The following KCND2 variants were observed in gnomAD, a reference collection of about 807,000 sequenced individuals.
The protein encoded by KCND2 is potassium voltage-gated channel subfamily D member 2, also known as A-type voltage-gated potassium channel KCND2.
A neutral mutation model predicts 54.4 loss-of-function variants in KCND2; 16 were observed. That is an observed-to-expected ratio of 0.29 (90% CI 0.20 to 0.45). KCND2 has a LOEUF of 0.45. KCND2 is among the 20% of genes least tolerant of loss of function. The pLI, the probability that KCND2 is intolerant of heterozygous loss-of-function variation, is 1.00. For synonymous variants in KCND2, 317 were observed against 310.7 expected (o/e 1.02, Z -0.21); for missense variants, 486 against 824.2 (o/e 0.59, Z 5.02).
intron 1 of KCND2, among the ~76,000 whole-genome samples, chr7:120,295,854 C>G (rs1799506485): frequency 6.6e-6 from 1 of 151,810 alleles, no homozygotes; most frequent in African/African-American, 2.4e-5. Context: ...TGCAGTCAGT[C>G]TGACCCCAGA....
rs17142929 is a variant in KCND2 at position 120,714,738 on chromosome 7, T to C, written c.1116-18165T>C. Among the ~76,000 whole-genome samples the C allele has an allele frequency of 3.7e-3, 564 of 152,166 alleles. 7 individuals are homozygous for C. The highest frequency in any genetic ancestry group is 0.024 in the Admixed American group (362 of 15,240). On this transcript the variant is annotated intron_variant, in intron 1 of 5. Transcript: ENST00000331113. ...CTTTTCTTGTTTTCATTTTATAACA[T>C]GCAGCCATTCCTAATTAGAGAACAG...
At chr7:120,562,368 G>A (rs141124393) in intron 1 of KCND2, among the ~76,000 whole-genome samples, 2 of 152,302 alleles carry the variant, frequency 1.3e-5, no homozygotes, top group East Asian at 3.9e-4. Context: ...TGACTTTAAA[G>A]AGAATTCAAG....
Position 120,583,078 on chromosome 7 carries a change from C to A in KCND2, c.1116-149825C>A, listed in dbSNP as rs180837620. Among the ~76,000 whole-genome samples the A allele has an allele frequency of 5.8e-3, 878 of 152,106 alleles. 8 individuals are homozygous for A. Among genetic ancestry groups the A allele is most frequent in the Non-Finnish European group, 9.7e-3 (661 of 68,006 alleles). On this transcript the variant is annotated intron_variant, in intron 1 of 5. Coordinates refer to ENST00000331113, the MANE Select transcript of KCND2 (RefSeq NM_012281.3). Reference sequence around the variant, plus strand: ...CTTACAGTGTAACCAGTAGTTCTGGCAGAGTCTCTTACTCATAGTTAAGAT... The same window carrying A: ...CTTACAGTGTAACCAGTAGTTCTGGAAGAGTCTCTTACTCATAGTTAAGAT...
At chr7:120,541,712 G>C (rs550930193) in intron 1 of KCND2, among the ~76,000 whole-genome samples, 1 of 152,144 alleles carries the variant, frequency 6.6e-6, no homozygotes, top group African/African-American at 2.4e-5. Flanking sequence ...GCAGGAGGAG[G>C]ATCTTGGTCT....
At chr7:120,374,014 A>G (rs890787163) in intron 1 of KCND2, among the ~76,000 whole-genome samples, 10 of 151,798 alleles carry the variant, frequency 6.6e-5, no homozygotes, top group Non-Finnish European at 1.5e-4. Flanking sequence ...TCCTACTGCT[A>G]GCTTATTTAT....
chr7:120,641,026 A>C (rs1282203357), intron 1 of KCND2, among the ~76,000 whole-genome samples: 1 of 152,212 alleles, frequency 6.6e-6, no homozygotes, highest in Non-Finnish European at 1.5e-5. Flanking sequence ...ATTTTTTGCT[A>C]TACATTTCTC....
chr7:120,695,740 C>G (rs973892509), intron 1 of KCND2, among the ~76,000 whole-genome samples: 2 of 152,138 alleles, frequency 1.3e-5, no homozygotes, highest in South Asian at 4.1e-4. Context: ...AATCCGTTCC[C>G]TCTGCACTTA....
chr7:120,662,965 A>G (rs1358123631), intron 1 of KCND2, among the ~76,000 whole-genome samples: 1 of 152,224 alleles, frequency 6.6e-6, no homozygotes, highest in Non-Finnish European at 1.5e-5. Context: ...AGTCCTAAGC[A>G]GGAATATGAC....
chr7:120,425,007 A>G (rs1801680986), intron 1 of KCND2, among the ~76,000 whole-genome samples: 1 of 152,246 alleles, frequency 6.6e-6, no homozygotes, highest in East Asian at 1.9e-4. Flanking sequence ...AAAAAGGGTA[A>G]CAAATTGATT....
rs1212110472 is a variant in KCND2, at chr7:120,748,955, G to A, written c.*1097G>A. On this transcript the variant is annotated 3_prime_UTR_variant, in exon 6 of 6. Coordinates refer to ENST00000331113, the MANE Select transcript of KCND2 (RefSeq NM_012281.3). ...GTAGCTTGTCATCAATCCCCTTGTC[G>A]AAAACTAGAAAAAAAGGAGTTGACC... 3.3e-5 allele frequency: 5 copies of A among 151,678 alleles called. No individual in the cohort carries two copies. The highest frequency in any genetic ancestry group is 1.9e-4 in the East Asian group (1 of 5,162). The allele number at this position is 151,678 out of a possible 1,614,324, so 9.4% of individuals were successfully genotyped here.
intron 1 of KCND2, among the ~76,000 whole-genome samples, chr7:120,727,359 T>G (rs566590203): frequency 1.2e-4 from 19 of 152,302 alleles, no homozygotes; most frequent in African/African-American, 4.6e-4. Flanking sequence ...TGTTTTAAAA[T>G]TATGCATATT....
chr7:120,694,076 G>A (rs1381242572), intron 1 of KCND2, among the ~76,000 whole-genome samples: 4 of 152,128 alleles, frequency 2.6e-5, no homozygotes, highest in African/African-American at 9.7e-5. Context: ...TAGACAAAAA[G>A]GATCTTTCCT....
intron 1 of KCND2, among the ~76,000 whole-genome samples, chr7:120,617,587 G>T (rs1012633601): frequency 6.6e-6 from 1 of 152,166 alleles, no homozygotes; most frequent in Non-Finnish European, 1.5e-5. Context: ...TCTCTTTGGA[G>T]ATTTCTCAAA....
intron 1 of KCND2, among the ~76,000 whole-genome samples, chr7:120,328,664 A>G (rs1269139940): frequency 2.0e-5 from 3 of 152,170 alleles, no homozygotes; most frequent in Non-Finnish European, 4.4e-5. Flanking sequence ...TTATCAAAAT[A>G]TGGTGATAAA....
intron 1 of KCND2, among the ~76,000 whole-genome samples, chr7:120,436,796 C>T (rs1801872880): frequency 6.6e-6 from 1 of 152,200 alleles, no homozygotes; most frequent in South Asian, 2.1e-4. Flanking sequence ...GTATTTTTCA[C>T]TGGAGAAATT....
At chr7:120,649,909 A>C (rs1165243944) in intron 1 of KCND2, among the ~76,000 whole-genome samples, 3 of 152,172 alleles carry the variant, frequency 2.0e-5, no homozygotes, top group African/African-American at 7.2e-5. Flanking sequence ...TTCTGGGTTG[A>C]AAATTCTTTT....
chr7:120,466,011 T>G (rs1802362651), intron 1 of KCND2, among the ~76,000 whole-genome samples: 1 of 152,112 alleles, frequency 6.6e-6, no homozygotes, highest in Non-Finnish European at 1.5e-5. Context: ...CTATTGACAT[T>G]TGGAGATAAT....
intron 1 of KCND2, among the ~76,000 whole-genome samples, chr7:120,427,729 A>G (rs1181537705): frequency 2.6e-5 from 4 of 152,224 alleles, no homozygotes; most frequent in African/African-American, 9.6e-5. Context: ...ATATTTTTAA[A>G]TCAAAAATCA....
At chr7:120,338,680 T>C (rs1375521796) in intron 1 of KCND2, among the ~76,000 whole-genome samples, 1 of 152,216 alleles carries the variant, frequency 6.6e-6, no homozygotes, top group Non-Finnish European at 1.5e-5. Flanking sequence ...TTGAAGGTTG[T>C]CTACATTTAT....
Sources: allele counts gnomAD v4.1 joint callset (sites outside exome capture counted in the v4.1 genomes callset), GRCh38; gene constraint gnomAD v4.1.1; transcripts MANE v1.5; gene names NCBI Gene and HGNC (gene_info 2026-07-23, HGNC 2026-07-21).